The following INPP4B variants were observed in gnomAD, a reference collection of about 807,000 sequenced individuals.
INPP4B encodes the protein inositol polyphosphate-4-phosphatase type II B, also known as inositol polyphosphate 4-phosphatase type II.
A neutral mutation model predicts 122.5 loss-of-function variants in INPP4B; 55 were observed. The ratio of observed to expected loss-of-function variants is 0.45; its 90% CI spans 0.36 to 0.56. The LOEUF is 0.56. Ranked by LOEUF, INPP4B falls within the 20% of genes least tolerant of loss-of-function variation. The pLI, the probability that INPP4B is intolerant of heterozygous loss-of-function variation, is 0.00. For missense variants in INPP4B, 1,000 were observed against 1,097.7 expected, an observed-to-expected ratio of 0.91 and a Z score of 1.26; for synonymous variants, 403 against 388.7, an observed-to-expected ratio of 1.04 and a Z score of -0.43.
chr4:142,681,185 G>A (rs1471515747), intron 2 of INPP4B, among the ~76,000 whole-genome samples: 1 of 151,800 alleles, frequency 6.6e-6, no homozygotes, highest in Non-Finnish European at 1.5e-5. Flanking sequence ...CTTATTGACT[G>A]TAATTGCATG....
rs370437171 is a variant in INPP4B at position 142,108,070 on chromosome 4, T to C, written c.2374+23A>G. On this transcript the variant is annotated intron_variant, in intron 23 of 25. Transcript: ENST00000262992. ...TATAATCAAGAAGCTATTATTGCTG[T>C]CTTCTCTAACTCACATACTTACAAT... The C allele has an allele frequency of 4.9e-4, 577 of 1,180,452 alleles. 3 individuals carry two copies. The highest frequency in any genetic ancestry group is 4.5e-3 in the South Asian group (359 of 78,950). The allele number at this position is 1,180,452 out of a possible 1,614,324, so 73.1% of individuals were successfully genotyped here. A position where few individuals can be genotyped will look rare whatever the true frequency, so the allele number is the denominator to read the frequency against.
At chr4:142,388,354 C>G (rs1162412564) in intron 7 of INPP4B, among the ~76,000 whole-genome samples, 1 of 151,354 alleles carries the variant, frequency 6.6e-6, no homozygotes, top group Admixed American at 6.6e-5. Flanking sequence ...ATGTTCTTCT[C>G]TTCTTAGATC....
At chr4:142,607,720 C>A (rs1020227179) in intron 2 of INPP4B, among the ~76,000 whole-genome samples, 1 of 151,892 alleles carries the variant, frequency 6.6e-6, no homozygotes, top group Non-Finnish European at 1.5e-5. Flanking sequence ...TTTTACAGGG[C>A]AATTATAGAG....
At position 142,209,531 on chromosome 4, in the gene INPP4B, G is replaced by A. The variant is rs1057104399; in HGVS notation, c.837-505C>T. Among the ~76,000 whole-genome samples, 5 of 151,730 alleles carry A rather than the reference G, an allele frequency of 3.3e-5. No individual in the cohort carries two copies. The South Asian group carries it at 1.0e-3, about 32-fold the overall frequency. ...AGCCCGGCCGGGCACGGTGGCTCAC[G>A]CCTGTAATCCCAGCACTTTGGGAAG... is the stretch of plus-strand genomic sequence containing the variant. On this transcript the variant is annotated intron_variant, in intron 12 of 25. Coordinates refer to ENST00000262992, the MANE Select transcript of INPP4B (RefSeq NM_001101669.3).
intron 9 of INPP4B, among the ~76,000 whole-genome samples, 183 bp from the exon 10 acceptor site, chr4:142,270,957 GTGTT>G (rs1282631879): frequency 6.6e-6 from 1 of 151,612 alleles, no homozygotes; most frequent in Non-Finnish European, 1.5e-5. Context: ...GTGTGTGTGT[GTGTT>G]TTCTTTTTTC....
chr4:142,173,157 A>T (rs1219267), intron 16 of INPP4B, among the ~76,000 whole-genome samples: 150,964 of 151,966 alleles, frequency 0.99, 74,990 homozygotes, highest in Middle Eastern at 1. Context: ...CGGTAAATAA[A>T]GTTGTAGAGA....
chr4:142,318,641 A>G (rs1768770055), intron 7 of INPP4B, among the ~76,000 whole-genome samples: 1 of 152,212 alleles, frequency 6.6e-6, no homozygotes, highest in Non-Finnish European at 1.5e-5. Context: ...TATGATGTCA[A>G]ATAAAGCAAG....
chr4:142,159,945 T>G (rs567565817), intron 17 of INPP4B, among the ~76,000 whole-genome samples: 1 of 152,176 alleles, frequency 6.6e-6, no homozygotes, highest in South Asian at 2.1e-4. Flanking sequence ...ATGTGAATAC[T>G]TTTAAAAAGT....
At chr4:142,391,708 T>C (rs1190123377) in intron 7 of INPP4B, among the ~76,000 whole-genome samples, 1 of 152,212 alleles carries the variant, frequency 6.6e-6, no homozygotes, top group African/African-American at 2.4e-5. Flanking sequence ...CCATGATTCA[T>C]CATAGAAAAG....
At chr4:142,564,439 C>CAAAAAAAAAAAAAAAAAAAAA (rs199803105) in intron 2 of INPP4B, among the ~76,000 whole-genome samples, 7 of 97,930 alleles carry the variant, frequency 7.1e-5, no homozygotes, top group East Asian at 1.2e-3. Flanking sequence ...TAAGGAATGG[C>CAAAAAAAAAAAAAAAAAAAAA]AAAAAAAAAA....
At chr4:142,442,453 AGAT>A (rs1812034046) in intron 3 of INPP4B, among the ~76,000 whole-genome samples, 1 of 151,834 alleles carries the variant, frequency 6.6e-6, no homozygotes, top group Non-Finnish European at 1.5e-5. Context: ...AAAAATAAAA[AGAT>A]GAATAAATCT....
chr4:142,082,561 ACAAC>A (rs1033003035), intron 24 of INPP4B, among the ~76,000 whole-genome samples: 65 of 152,304 alleles, frequency 4.3e-4, no homozygotes, highest in Non-Finnish European at 7.2e-4. Context: ...AAACAAACAA[ACAAC>A]CAACCAAAAA....
chr4:142,235,222 C>T (rs4629539), intron 12 of INPP4B, among the ~76,000 whole-genome samples: 21,215 of 151,878 alleles, frequency 0.14, 1,770 homozygotes, highest in African/African-American at 0.23. Flanking sequence ...AGGCACAAGA[C>T]GGAGTCTATA....
intron 11 of INPP4B, among the ~76,000 whole-genome samples, chr4:142,245,510 G>A (rs1015230542): frequency 4.6e-5 from 7 of 151,734 alleles, no homozygotes; most frequent in African/African-American, 7.3e-5. Flanking sequence ...GAGGATTTTC[G>A]CATCGATGTT....
chr4:142,562,218 A>G (rs1469548452), intron 2 of INPP4B, among the ~76,000 whole-genome samples: 2 of 152,200 alleles, frequency 1.3e-5, no homozygotes, highest in African/African-American at 4.8e-5. Flanking sequence ...TTGAACAAAG[A>G]TAGGTATTTT....
At chr4:142,320,468 C>A (rs1007390720) in intron 7 of INPP4B, among the ~76,000 whole-genome samples, 1 of 152,142 alleles carries the variant, frequency 6.6e-6, no homozygotes, top group African/African-American at 2.4e-5. Flanking sequence ...TGGATGTTTA[C>A]ATTTGTTTTG....
intron 2 of INPP4B, among the ~76,000 whole-genome samples, chr4:142,700,827 T>A (rs923400813): frequency 6.6e-6 from 1 of 152,126 alleles, no homozygotes; most frequent in South Asian, 2.1e-4. Context: ...GCTTTCAGTA[T>A]AAAAACTATC....
At chr4:142,488,638 T>G (rs564363666) in intron 2 of INPP4B, among the ~76,000 whole-genome samples, 11 of 152,220 alleles carry the variant, frequency 7.2e-5, no homozygotes, top group Admixed American at 5.9e-4. Context: ...GAATTCTTCA[T>G]TTCATCTAAA....
chr4:142,033,947 A>G (rs933680713), intron 25 of INPP4B, among the ~76,000 whole-genome samples: 2 of 152,086 alleles, frequency 1.3e-5, no homozygotes, highest in African/African-American at 2.4e-5. Flanking sequence ...GATTACAGGC[A>G]TGAGCCACTG....
Sources: gnomAD v4.1 joint callset for allele counts (sites outside exome capture counted in the v4.1 genomes callset) on GRCh38, gnomAD v4.1.1 for gene constraint, MANE v1.5 for transcripts, NCBI Gene and HGNC (gene_info 2026-07-23, HGNC 2026-07-21) for gene names.